The following KIF27 variants were observed in gnomAD, a reference collection of about 807,000 sequenced individuals.
KIF27 encodes the protein kinesin family member 27.
In KIF27, 84 loss-of-function variants were observed where a neutral mutation model predicts 141.8. That is an observed-to-expected ratio of 0.59 (90% CI 0.50 to 0.71). KIF27 has a LOEUF of 0.71. KIF27 is among the 30% of genes least tolerant of loss of function. The pLI, the probability that KIF27 is intolerant of heterozygous loss-of-function variation, is 0.00. For synonymous variants in KIF27, 471 were observed against 569.5 expected (o/e 0.83, Z 2.46); for missense variants, 1,306 against 1,628.4 (o/e 0.80, Z 3.41).
rs199835650 is a variant in KIF27, at chr9:83,865,998, AG to A, written c.2934+1685del. ...GCATTCTTAGATCCAAGTAGAGATT[AG>A]GAAATAGATGTTTCACGATTCATAT... On this transcript the variant is annotated intron_variant, in intron 13 of 17. Coordinates refer to ENST00000297814, the MANE Select transcript of KIF27 (RefSeq NM_017576.4). 7.9e-3 allele frequency among the ~76,000 whole-genome samples: 1,207 copies of A among 152,254 alleles called. 31 individuals carry two copies. Among genetic ancestry groups the A allele is most frequent in the East Asian group, 0.037 (190 of 5,182 alleles).
At chr9:83,900,022 G>T (rs1953702744) in intron 4 of KIF27, among the ~76,000 whole-genome samples, 1 of 152,142 alleles carries the variant, frequency 6.6e-6, no homozygotes, top group Non-Finnish European at 1.5e-5. Context: ...GAAGACAGAA[G>T]ATTTTCCTGA....
intron 2 of KIF27, among the ~76,000 whole-genome samples, chr9:83,911,145 C>T (rs1256284666): frequency 1.3e-5 from 2 of 152,162 alleles, no homozygotes; most frequent in African/African-American, 2.4e-5. Flanking sequence ...TGGCTCACTA[C>T]AGCCTTGACC....
chr9:83,881,528 T>C (rs1588146434), intron 10 of KIF27, among the ~76,000 whole-genome samples: 1 of 152,222 alleles, frequency 6.6e-6, no homozygotes. Context: ...ACAGACATTG[T>C]TGTCAATTTG....
chr9:83,860,699 C>G (rs1949797191), intron 13 of KIF27, among the ~76,000 whole-genome samples: 1 of 152,132 alleles, frequency 6.6e-6, no homozygotes, highest in Non-Finnish European at 1.5e-5. Flanking sequence ...AACATTTTGC[C>G]TGGAGCATCC....
At chr9:83,865,540 G>C (rs1355490466) in intron 13 of KIF27, among the ~76,000 whole-genome samples, 10 of 152,178 alleles carry the variant, frequency 6.6e-5, no homozygotes, top group Admixed American at 3.3e-4. Context: ...CCAGTGATCT[G>C]CCCGCCTTGG....
Position 83,899,751 on chromosome 9 carries a change from C to T in KIF27, c.1512G>A (p.Lys504=), listed in dbSNP as rs1563981127. ...TCATCTGCACTTGATTCTTCAGTTC[C>T]TTCACCTCCAGTTCCTTCTGATTAA... ...VVFNQKELEV[K]ELKNQVQMMV... Residue 504 remains lysine, a synonymous_variant, in exon 5 of 18, where the codon AAG becomes AAA. Transcript: ENST00000297814. The T allele has an allele frequency of 1.8e-5, 29 of 1,613,438 alleles. No homozygotes were observed. Among genetic ancestry groups the T allele is most frequent in the Non-Finnish European group, 2.4e-5 (28 of 1,179,604 alleles).
Position 83,857,966 on chromosome 9 carries a change from G to GTT in KIF27, c.3150+1188_3150+1189dup, listed in dbSNP as rs373203891. Among the ~76,000 whole-genome samples, 558 of 123,346 alleles carry GTT rather than the reference G, an allele frequency of 4.5e-3. 3 individuals are homozygous for GTT. The highest frequency in any genetic ancestry group is 9.6e-3 in the South Asian group (36 of 3,734). 80.9% of individuals were successfully genotyped at this position (123,346 alleles called of 152,430 possible). On this transcript the variant is annotated intron_variant, in intron 14 of 17. Transcript: ENST00000297814. Reference sequence around the variant, plus strand: ...TCTCAAGGGAAACATAATACTTTGGGTTTTTTTTTTTTTTTTTTGCTTCTT... The same window carrying GTT: ...TCTCAAGGGAAACATAATACTTTGGGTTTTTTTTTTTTTTTTTTTTGCTTCTT...
intron 4 of KIF27, among the ~76,000 whole-genome samples, chr9:83,900,895 A>T (rs1405024345): frequency 6.6e-6 from 1 of 151,948 alleles, no homozygotes; most frequent in Non-Finnish European, 1.5e-5. Context: ...AGAAAAAAAA[A>T]AAATAAAGAA....
intron 5 of KIF27, among the ~76,000 whole-genome samples, chr9:83,895,030 G>A (rs1358114225): frequency 6.6e-6 from 1 of 151,748 alleles, no homozygotes; most frequent in Non-Finnish European, 1.5e-5. Flanking sequence ...CAGATCATAA[G>A]GTCAGGAGAT....
In KIF27 at chr9:83,859,257, A is replaced by C; in HGVS notation, c.3049T>G (p.Ser1017Ala). The C allele has an allele frequency of 1.9e-6, 3 of 1,614,048 alleles. No individual in the cohort carries two copies. Among genetic ancestry groups the C allele is most frequent in the Non-Finnish European group, 2.5e-6 (3 of 1,179,982 alleles). ...TTCTGGAGGACTTCAACTTGTTCTG[A>C]AATCTTTGTTTTCTCCTCAGCTGTA... is the stretch of plus-strand genomic sequence containing the variant. ...TSTAEEKTKI[S>A]EQVEVLQKEK... The change falls in exon 14 of 18, where the codon TCA (serine) becomes GCA (alanine). Residue 1017 changes from serine to alanine, a missense_variant. Physicochemically the swap from Ser to Ala is moderately conservative, Grantham distance 99. Coordinates refer to ENST00000297814, the MANE Select transcript of KIF27 (RefSeq NM_017576.4).
At chr9:83,838,241 GT>G (rs11409684) in intron 17 of KIF27, among the ~76,000 whole-genome samples, 2 of 149,730 alleles carry the variant, frequency 1.3e-5, no homozygotes, top group Non-Finnish European at 1.5e-5. Context: ...GTTTTTTGTT[GT>G]TTTTTTTTTG....
In KIF27 at chr9:83,859,239, G is replaced by A; in HGVS notation, c.3067C>T (p.Leu1023Phe). ...KTKISEQVEVLQKEKDQLQKR... is the reference protein window; with the variant it reads ...KTKISEQVEVFQKEKDQLQKR... Reference sequence around the variant, plus strand: ...TGGAGCTGATCCTTTTCTTTCTGGAGGACTTCAACTTGTTCTGAAATCTTT... The same window carrying A: ...TGGAGCTGATCCTTTTCTTTCTGGAAGACTTCAACTTGTTCTGAAATCTTT... The change falls in exon 14 of 18, where the codon CTC becomes TTC. Residue 1023 changes from leucine (L) to phenylalanine (F), a missense_variant. Around this residue, in one of 4 missense-constraint regions of KIF27, gnomAD observed 596 missense variants for 751.6 expected, o/e 0.79. Coordinates refer to ENST00000297814, the MANE Select transcript of KIF27 (RefSeq NM_017576.4). The A allele has an allele frequency of 6.2e-7, 1 of 1,614,070 alleles. No individual in the cohort carries two copies. The highest frequency in any genetic ancestry group is 8.5e-7 in the Non-Finnish European group (1 of 1,179,972).
chr9:83,874,781 A>G (rs1035298243), intron 11 of KIF27, among the ~76,000 whole-genome samples: 1 of 151,858 alleles, frequency 6.6e-6, no homozygotes, highest in Admixed American at 6.6e-5. Flanking sequence ...AAAAAATTAA[A>G]AAGTGTGTGA....
intron 3 of KIF27, among the ~76,000 whole-genome samples, chr9:83,906,871 C>A (rs1954601529): frequency 6.6e-6 from 1 of 151,606 alleles, no homozygotes; most frequent in Non-Finnish European, 1.5e-5. Flanking sequence ...AGACAAATTA[C>A]CATATAAACA....
chr9:83,913,948 A>C (rs1479695815), intron 2 of KIF27, among the ~76,000 whole-genome samples: 2 of 152,112 alleles, frequency 1.3e-5, no homozygotes, highest in Non-Finnish European at 2.9e-5. Context: ...AATTTAAAAA[A>C]AGTAGAAAGA....
chr9:83,842,460 T>G, intron 16 of KIF27, 59 bp from the exon 17 acceptor site: 13 of 1,458,430 alleles, frequency 8.9e-6, no homozygotes, highest in Non-Finnish European at 1.2e-5. Context: ...AAAATTATGT[T>G]TTTGTTTGTT....
At chr9:83,843,366 C>T (rs1946813136) in intron 16 of KIF27, among the ~76,000 whole-genome samples, 1 of 149,144 alleles carries the variant, frequency 6.7e-6, no homozygotes. Context: ...CTAACATTGT[C>T]TCCATTGGGT....
In KIF27 at chr9:83,899,721, T is replaced by C. The variant is rs752783175; in HGVS notation, c.1542A>G (p.Val514=). ...ATACAGCATGCCCTTTGTTTTCCTG[T>C]ACCATCATCTGCACTTGATTCTTCA... ...KELKNQVQMM[V]QENKGHAVSL... Residue 514 remains valine, a synonymous_variant, in exon 5 of 18, where the codon GTA becomes GTG. Coordinates refer to ENST00000297814, the MANE Select transcript of KIF27 (RefSeq NM_017576.4). 9 of 1,613,350 alleles carry C rather than the reference T, an allele frequency of 5.6e-6. No individual in the cohort carries two copies. The highest frequency in any genetic ancestry group is 1.3e-5 in the African/African-American group (1 of 74,934).
chr9:83,849,335 C>G (rs1948261563), intron 16 of KIF27: 1 of 152,210 alleles, frequency 6.6e-6, no homozygotes, highest in Non-Finnish European at 1.5e-5. Flanking sequence ...CCTCAACACT[C>G]AAATTCACAG....
Sources: gnomAD v4.1 joint callset for allele counts (sites outside exome capture counted in the v4.1 genomes callset) on GRCh38, gnomAD v4.1.1 for gene constraint, gnomAD v4.1.1 regional missense constraint, MANE v1.5 for transcripts, NCBI Gene and HGNC (gene_info 2026-07-23, HGNC 2026-07-21) for gene names.